Variants in PYGL observed in about 807,000 individuals in gnomAD.
PYGL encodes the protein glycogen phosphorylase, liver form.
Under a neutral mutation model 100.1 loss-of-function variants are expected in PYGL, and 90 were observed. That is an observed-to-expected ratio of 0.90 (90% CI 0.76 to 1.07). The LOEUF is 1.07. PYGL is among the 50% of genes least tolerant of loss of function. PYGL has a pLI of 0.00. For missense variants in PYGL, 1,016 were observed against 1,057.6 expected, an observed-to-expected ratio of 0.96 and a Z score of 0.55; for synonymous variants, 373 against 393.0, an observed-to-expected ratio of 0.95 and a Z score of 0.60.
Position 50,933,748 on chromosome 14 carries a change from GTACACACACACATATA to G in PYGL, c.424+1343_424+1358del, listed in dbSNP as rs1012679029. ...CTACATATTCACATTATATACATATGTACACACACACATATATACACACACACACACATATATGTCT... is the reference window on the plus strand; with the variant it reads ...CTACATATTCACATTATATACATATGTACACACACACACACATATATGTCT... On this transcript the variant is annotated intron_variant, in intron 3 of 19. Coordinates refer to ENST00000216392, the MANE Select transcript of PYGL (RefSeq NM_002863.5). Among the ~76,000 whole-genome samples, 13 of 151,622 alleles carry G rather than the reference GTACACACACACATATA, an allele frequency of 8.6e-5. No individual in the cohort carries two copies. In the East Asian group the frequency reaches 1.7e-3, roughly 20 times the overall value.
chr14:50,915,897 G>A lies in PYGL; in HGVS notation c.1167C>T (p.Pro389=), dbSNP rs148410318. 18 of 1,614,046 alleles carry A rather than the reference G, an allele frequency of 1.1e-5. No homozygotes were observed. The highest frequency in any genetic ancestry group is 3.3e-4 in the Middle Eastern group (2 of 6,084). ...TVLPEALERW[P]VDLVEKLLPR... The stretch of plus-strand genomic sequence containing the variant: ...GGAGCAGCTTCTCCACCAGGTCCAC[G>A]GGCCAGCGCTCCAGGGCTTCCGGGA... Residue 389 remains proline, a synonymous_variant, in exon 10 of 20, where the codon CCC becomes CCT. Transcript: ENST00000216392.
intron 19 of PYGL, among the ~76,000 whole-genome samples, chr14:50,907,038 A>T (rs986066145): frequency 1.3e-5 from 2 of 152,226 alleles, no homozygotes; most frequent in Non-Finnish European, 2.9e-5. Context: ...AGCCCCCTCC[A>T]GTATCCATTC....
In PYGL at chr14:50,915,964, T is replaced by C; in HGVS notation, c.1100A>G (p.Glu367Gly). ...IEKLPWSKAW[E>G]LTQKTFAYTN... ...GTAGGCGAAGGTCTTCTGGGTGAGC[T>C]CCCATGCCTGGGGGAAAGGAAGGAG... is the stretch of plus-strand genomic sequence containing the variant. The change falls in exon 10 of 20, where the codon GAG (glutamate) becomes GGG (glycine). Residue 367 changes from glutamate (E) to glycine (G), a missense_variant. Physicochemically the swap from Glu to Gly is moderately conservative, Grantham distance 98 (BLOSUM62 -2). Coordinates refer to ENST00000216392, the MANE Select transcript of PYGL (RefSeq NM_002863.5). 1 of 1,614,116 alleles carries C rather than the reference T, an allele frequency of 6.2e-7. No individual in the cohort carries two copies. The highest frequency in any genetic ancestry group is 1.1e-5 in the South Asian group (1 of 91,088).
chr14:50,928,643 T>TTTCC (rs1566509787), intron 4 of PYGL, among the ~76,000 whole-genome samples: 4 of 151,850 alleles, frequency 2.6e-5, no homozygotes, highest in Admixed American at 1.3e-4. Context: ...GCAACACAAT[T>TTTCC]TCAGGGGGTG....
Position 50,920,990 on chromosome 14 carries a change from A to C in PYGL, c.738T>G (p.Ser246=), listed in dbSNP as rs2050494940. The C allele has an allele frequency of 1.9e-6, 3 of 1,614,224 alleles. No individual in the cohort carries two copies. The highest frequency in any genetic ancestry group is 2.5e-6 in the Non-Finnish European group (3 of 1,180,024). ...GGTTAAAGTCATTTGGTGCCCGAGCAGACCAGAGGCGCATGGTGTTGACAG... is the reference window on the plus strand; with the variant it reads ...GGTTAAAGTCATTTGGTGCCCGAGCCGACCAGAGGCGCATGGTGTTGACAG... ...NNTVNTMRLW[S]ARAPNDFNLR... The change falls in exon 6 of 20, where the codon TCT becomes TCG. Residue 246 remains serine, a synonymous_variant. Coordinates refer to ENST00000216392, the MANE Select transcript of PYGL (RefSeq NM_002863.5).
intron 5 of PYGL, 41 bp from the exon 6 acceptor site, chr14:50,921,108 G>A (rs200567845): frequency 8.6e-5 from 127 of 1,484,022 alleles, no homozygotes; most frequent in Admixed American, 2.5e-4. Flanking sequence ...TGTTTCCCAA[G>A]TGTGATGACA....
Position 50,905,465 on chromosome 14 carries a change from T to C in PYGL, c.2471A>G (p.Asn824Ser). The C allele has an allele frequency of 6.2e-7, 1 of 1,613,908 alleles. No homozygotes were observed. Among genetic ancestry groups the C allele is most frequent in the Non-Finnish European group, 8.5e-7 (1 of 1,179,776 alleles). ...ATCTGAAGGTTCCACGTTCCAGATGTTTTGGGCATATTCTTTAATTGTTCG... is the reference window on the plus strand; with the variant it reads ...ATCTGAAGGTTCCACGTTCCAGATGCTTTGGGCATATTCTTTAATTGTTCG... ...SDRTIKEYAQ[N>S]IWNVEPSDLK... Residue 824 changes from asparagine (N) to serine (S), a missense_variant, in exon 20 of 20, where the codon AAC becomes AGC. Physicochemically the swap from Asn to Ser is conservative, Grantham distance 46. Coordinates refer to ENST00000216392, the MANE Select transcript of PYGL (RefSeq NM_002863.5).
At chr14:50,939,942 C>G (rs2050689387) in intron 1 of PYGL, among the ~76,000 whole-genome samples, 1 of 152,184 alleles carries the variant, frequency 6.6e-6, no homozygotes, top group African/African-American at 2.4e-5. Flanking sequence ...CAATTGAGTT[C>G]TAAATTTCAC....
At chr14:50,913,253 T>C (rs1461382642) in intron 12 of PYGL, 123 bp from the exon 13 acceptor site, 1 of 776,982 alleles carries the variant, frequency 1.3e-6, no homozygotes, top group African/African-American at 1.7e-5. Flanking sequence ...ACACAGAACA[T>C]GGGATAGTTT....
At chr14:50,938,531 C>T (rs957607457) in intron 1 of PYGL, among the ~76,000 whole-genome samples, 1 of 152,176 alleles carries the variant, frequency 6.6e-6, no homozygotes, top group Non-Finnish European at 1.5e-5. Context: ...TCTTAATAAA[C>T]TTGCTTTCAC....
At chr14:50,934,332 G>A (rs2050632411) in intron 3 of PYGL, among the ~76,000 whole-genome samples, 1 of 152,068 alleles carries the variant, frequency 6.6e-6, no homozygotes, top group South Asian at 2.1e-4. Flanking sequence ...CCTCTGACCT[G>A]GAGTCTACCA....
intron 4 of PYGL, among the ~76,000 whole-genome samples, chr14:50,928,335 C>T (rs1430403455): frequency 6.6e-6 from 1 of 152,146 alleles, no homozygotes; most frequent in Non-Finnish European, 1.5e-5. Context: ...TTCTGTGGCA[C>T]ACCAAGAATT....
chr14:50,943,598 G>A (rs2050719576), intron 1 of PYGL, among the ~76,000 whole-genome samples: 1 of 152,244 alleles, frequency 6.6e-6, no homozygotes, highest in South Asian at 2.1e-4. Flanking sequence ...GGTGGGCGGC[G>A]CTCTACGCTT....
rs1463978062 is a variant in PYGL at position 50,905,249 on chromosome 14, C to T, written c.*143G>A. ...TGGAAATTGACACTTTATTTTTAAG[C>T]TCTATTACATATAATTTCCCTCCCC... On this transcript the variant is annotated 3_prime_UTR_variant, in exon 20 of 20. Coordinates refer to ENST00000216392, the MANE Select transcript of PYGL (RefSeq NM_002863.5). The T allele has an allele frequency of 1.2e-6, 1 of 842,466 alleles. No homozygotes were observed. Among genetic ancestry groups the T allele is most frequent in the Admixed American group, 2.5e-5 (1 of 40,288 alleles). 52.2% of individuals were successfully genotyped at this position (842,466 alleles called of 1,614,324 possible).
At chr14:50,906,640 G>T (rs913058664) in intron 19 of PYGL, among the ~76,000 whole-genome samples, 7 of 152,182 alleles carry the variant, frequency 4.6e-5, no homozygotes, top group African/African-American at 1.4e-4. Flanking sequence ...CCTTGCCCTT[G>T]TTCATATTTT....
At chr14:50,916,781 T>G (rs1596037600) in intron 8 of PYGL, 47 bp from the exon 9 acceptor site, 1 of 1,581,796 alleles carries the variant, frequency 6.3e-7, no homozygotes, top group Non-Finnish European at 8.7e-7. Context: ...TGGCTCAGGG[T>G]CTGGCTTCTT....
rs747888816 is a variant in PYGL at position 50,921,042 on chromosome 14, G to A, written c.686C>T (p.Thr229Ile). The change falls in exon 6 of 20, where the codon ACC becomes ATC. Residue 229 changes from threonine to isoleucine, a missense_variant. By Grantham distance (89) the Thr-to-Ile change is moderately conservative. Coordinates refer to ENST00000216392, the MANE Select transcript of PYGL (RefSeq NM_002863.5). ...GTTATTCATGTAGCCGGGCACGGGG[G>A]TGTCATATGGCAGAGCCAGGACCAC... is the stretch of plus-strand genomic sequence containing the variant. ...TQVVLALPYDTPVPGYMNNTV... is the reference protein window; with the variant it reads ...TQVVLALPYDIPVPGYMNNTV... 6 of 1,614,148 alleles carry A rather than the reference G, an allele frequency of 3.7e-6. No homozygotes were observed. The Admixed American group carries it at 8.3e-5, about 22-fold the overall frequency.
chr14:50,937,780 T>C lies in PYGL; in HGVS notation c.301A>G (p.Ile101Val). Residue 101 changes from isoleucine to valine, a missense_variant, in exon 2 of 20, where the codon ATC becomes GTC. Coordinates refer to ENST00000216392, the MANE Select transcript of PYGL (RefSeq NM_002863.5). Reference protein sequence around the residue: ...YMGRTLQNTMINLGLQNACDE... With the variant: ...YMGRTLQNTMVNLGLQNACDE... ...CAGGCATTTTGCAGACCGAGGTTGA[T>C]CATGGTGTTCTGTAATGTTCGGCCC... 1 of 1,614,128 alleles carries C rather than the reference T, an allele frequency of 6.2e-7. No homozygotes were observed. The highest frequency in any genetic ancestry group is 1.1e-5 in the South Asian group (1 of 91,090).
intron 3 of PYGL, among the ~76,000 whole-genome samples, chr14:50,932,667 G>C (rs2050612883): frequency 6.6e-6 from 1 of 152,180 alleles, no homozygotes; most frequent in African/African-American, 2.4e-5. Context: ...TAATGACAGG[G>C]CATCTGATCC....
Sources: gnomAD v4.1 joint callset for allele counts (sites outside exome capture counted in the v4.1 genomes callset) on GRCh38, gnomAD v4.1.1 for gene constraint, MANE v1.5 for transcripts, NCBI Gene and HGNC (gene_info 2026-07-23, HGNC 2026-07-21) for gene names.